Variants in DIS3L2 observed in about 807,000 individuals in gnomAD.
DIS3L2 encodes the protein DIS3 like 3'-5' exoribonuclease 2.
In DIS3L2, 34 loss-of-function variants were observed where a neutral mutation model predicts 97.5. That is an observed-to-expected ratio of 0.35 (90% CI 0.27 to 0.46). The LOEUF (loss-of-function observed/expected upper bound fraction) is 0.46. Among genes scored for constraint, DIS3L2 ranks in the 20% least tolerant of loss-of-function variants. The probability of loss-of-function intolerance (pLI) is 1.00; values close to 1 mark genes in which losing one functional copy is unlikely to be tolerated. For synonymous variants in DIS3L2, 435 were observed against 445.2 expected (o/e 0.98, Z 0.29); for missense variants, 1,038 against 1,146.0 (o/e 0.91, Z 1.36).
At chr2:232,294,814 C>T (rs1694685082) in intron 13 of DIS3L2, among the ~76,000 whole-genome samples, 1 of 152,194 alleles carries the variant, frequency 6.6e-6, no homozygotes, top group Non-Finnish European at 1.5e-5. Context: ...ACCGGCTTTG[C>T]AGGGCTCTTG....
intron 12 of DIS3L2, among the ~76,000 whole-genome samples, chr2:232,255,041 GAGAGGTCAGATTCC>G (rs1266443177): frequency 1.3e-5 from 2 of 152,240 alleles, no homozygotes; most frequent in African/African-American, 4.8e-5. Flanking sequence ...TGCATGAAAT[GAGAGGTCAGATTCC>G]AGACTCACAT....
chr2:232,074,739 C>A (rs1696134326), intron 5 of DIS3L2, among the ~76,000 whole-genome samples: 1 of 152,034 alleles, frequency 6.6e-6, no homozygotes, highest in Non-Finnish European at 1.5e-5. Context: ...CGCATGTCAC[C>A]ATGCCTGGCT....
chr2:232,314,356 T>C (rs974406117), intron 14 of DIS3L2, among the ~76,000 whole-genome samples: 1 of 151,480 alleles, frequency 6.6e-6, no homozygotes, highest in East Asian at 1.9e-4. Context: ...GCATCCTACA[T>C]GGGTTCACAG....
At chr2:232,080,527 T>C (rs900839885) in intron 5 of DIS3L2, among the ~76,000 whole-genome samples, 1 of 152,172 alleles carries the variant, frequency 6.6e-6, no homozygotes, top group African/African-American at 2.4e-5. Flanking sequence ...CATAACGAAT[T>C]AATGATATTC....
intron 14 of DIS3L2, among the ~76,000 whole-genome samples, chr2:232,310,389 A>C (rs891736538): frequency 1.3e-5 from 2 of 152,124 alleles, no homozygotes; most frequent in Non-Finnish European, 1.5e-5. Flanking sequence ...CACAGCCGTT[A>C]GTGTTTGGCA....
chr2:232,221,992 G>A (rs1041009367), intron 10 of DIS3L2, among the ~76,000 whole-genome samples: 1 of 151,766 alleles, frequency 6.6e-6, no homozygotes, highest in African/African-American at 2.4e-5. Context: ...ACTCAGGCTG[G>A]AGTGTGGTGG....
At chr2:232,283,853 A>G (rs1219020407) in intron 13 of DIS3L2, among the ~76,000 whole-genome samples, 3 of 152,162 alleles carry the variant, frequency 2.0e-5, no homozygotes, top group African/African-American at 7.2e-5. Context: ...GTAGATTGCC[A>G]TGGCAGTTAC....
intron 5 of DIS3L2, among the ~76,000 whole-genome samples, chr2:232,035,554 G>A (rs1044607383): frequency 1.3e-5 from 2 of 152,132 alleles, no homozygotes; most frequent in African/African-American, 4.8e-5. Context: ...ATGCTAGCTG[G>A]TTATTTTGCC....
downstream of DIS3L2, among the ~76,000 whole-genome samples, chr2:232,337,597 G>A (rs1020974874): frequency 2.6e-5 from 4 of 152,068 alleles, no homozygotes; most frequent in Non-Finnish European, 4.4e-5. Flanking sequence ...ACCCCAGCCT[G>A]TACTCCTTCC....
chr2:232,046,143 T>G (rs1695236010), intron 5 of DIS3L2, among the ~76,000 whole-genome samples: 1 of 152,208 alleles, frequency 6.6e-6, no homozygotes, highest in South Asian at 2.1e-4. Flanking sequence ...TGCACTATCT[T>G]CAGTCTGTAA....
intron 5 of DIS3L2, among the ~76,000 whole-genome samples, chr2:232,062,855 C>T (rs1364761874): frequency 6.6e-6 from 1 of 151,848 alleles, no homozygotes; most frequent in Non-Finnish European, 1.5e-5. Flanking sequence ...CTGTGTCTCT[C>T]TCTCCTTTCC....
exon 14 of DIS3L2, chr2:232,343,435 C>A (rs754942499): frequency 6.4e-7 from 1 of 1,555,972 alleles, no homozygotes; most frequent in South Asian, 1.2e-5. Flanking sequence ...CACAGAGGAA[C>A]GCCTGCCTGA....
At chr2:232,064,136 A>G (rs577806609) in intron 5 of DIS3L2, among the ~76,000 whole-genome samples, 4 of 152,154 alleles carry the variant, frequency 2.6e-5, no homozygotes, top group Non-Finnish European at 5.9e-5. Context: ...GTCCGGTTCT[A>G]TGAATTAAAA....
At chr2:232,307,634 GACTTT>G (rs1695022916) in intron 14 of DIS3L2, 1 of 152,138 alleles carries the variant, frequency 6.6e-6, no homozygotes, top group South Asian at 2.1e-4. Flanking sequence ...ACGACATCTA[GACTTT>G]ATGATCCATG....
In DIS3L2 at chr2:232,292,106, T is replaced by G. The variant is rs1414019263; in HGVS notation, c.1660-7934T>G. On this transcript the variant is annotated intron_variant, in intron 13 of 20. Coordinates refer to ENST00000325385, the MANE Select transcript of DIS3L2 (RefSeq NM_152383.5). The surrounding 1 kb of genome is among the most constrained non-coding windows in gnomAD (Gnocchi z 4.4). ...CTGGCATGCTTGCCTAGCCACACTT[T>G]CCTGTCTTGTCTCGTCACGCTTCTG... 6.6e-6 allele frequency among the ~76,000 whole-genome samples: 1 copy of G among 152,214 alleles called. No homozygotes were observed. The highest frequency in any genetic ancestry group is 1.5e-5 in the Non-Finnish European group (1 of 68,026).
intron 10 of DIS3L2, among the ~76,000 whole-genome samples, chr2:232,222,094 C>T (rs566182118): frequency 5.9e-5 from 9 of 152,050 alleles, no homozygotes; most frequent in African/African-American, 1.9e-4. Context: ...AGGCACACGC[C>T]ACTGTGCCTG....
At chr2:232,106,571 A>G (rs1441375479) in intron 6 of DIS3L2, among the ~76,000 whole-genome samples, 1 of 152,234 alleles carries the variant, frequency 6.6e-6, no homozygotes, top group Non-Finnish European at 1.5e-5. Flanking sequence ...CTAAATATAT[A>G]TGCACCCAAT....
intron 1 of DIS3L2, among the ~76,000 whole-genome samples, chr2:231,994,389 A>G (rs899548942): frequency 5.3e-5 from 8 of 152,118 alleles, no homozygotes; most frequent in African/African-American, 1.9e-4. Context: ...TATAAAATTT[A>G]AGATAAGCTT....
intron 5 of DIS3L2, among the ~76,000 whole-genome samples, chr2:232,072,080 G>A (rs796686202): frequency 1.9e-4 from 29 of 152,222 alleles, no homozygotes; most frequent in African/African-American, 6.7e-4. Flanking sequence ...AGAAGTAGTA[G>A]TGGTGTTTGA....
Sources: gnomAD v4.1 joint callset for allele counts (sites outside exome capture counted in the v4.1 genomes callset) on GRCh38, gnomAD v4.1.1 for gene constraint, Gnocchi (gnomAD v3.1) non-coding constraint, MANE v1.5 for transcripts, NCBI Gene and HGNC (gene_info 2026-07-23, HGNC 2026-07-21) for gene names.